Variants in MAT2B observed in about 807,000 individuals in gnomAD.
MAT2B encodes the protein methionine adenosyltransferase 2 non-catalytic beta subunit.
Under a neutral mutation model 36.1 loss-of-function variants are expected in MAT2B, and 16 were observed. The observed-to-expected ratio is 0.44, with a 90% CI of 0.30 to 0.67. The LOEUF (loss-of-function observed/expected upper bound fraction) is 0.67, where lower values mean the gene tolerates loss of function less well. Ranked by LOEUF, MAT2B falls within the 30% of genes least tolerant of loss-of-function variation. MAT2B has a pLI of 0.09. For missense variants in MAT2B, 332 were observed against 398.2 expected (o/e 0.83, Z 1.42); for synonymous variants, 148 against 136.9 (o/e 1.08, Z -0.57).
chr5:163,514,125 T>TA, intron 4 of MAT2B, 131 bp downstream of exon 4: 1 of 677,994 alleles, frequency 1.5e-6, no homozygotes, highest in Non-Finnish European at 2.2e-6. Context: ...AGAATATAGT[T>TA]AATAAAGAAA....
chr5:163,503,967 T>C (rs568512712), upstream of MAT2B, among the ~76,000 whole-genome samples: 24 of 152,328 alleles, frequency 1.6e-4, no homozygotes, highest in African/African-American at 4.6e-4. Context: ...ACGGGGAAAG[T>C]ATCAAGTCAG....
intron 2 of MAT2B, chr5:163,512,787 TCTC>T (rs1760067115): frequency 4.8e-6 from 2 of 415,056 alleles, no homozygotes; most frequent in Non-Finnish European, 9.5e-6. Context: ...TTCAAGCAAT[TCTC>T]CTGCCTAAGC....
rs1416477005 is a variant in MAT2B, at chr5:163,518,629, T to G, written c.*266T>G. Reference sequence around the variant, plus strand: ...ATAGTAAATTATGATCCTTAAATATTTGAGAGTCAGGATGAAGCAGATCTG... The same window carrying G: ...ATAGTAAATTATGATCCTTAAATATGTGAGAGTCAGGATGAAGCAGATCTG... On this transcript the variant is annotated 3_prime_UTR_variant, in exon 7 of 7. Transcript: ENST00000321757. 2 of 252,498 alleles carry G rather than the reference T, an allele frequency of 7.9e-6. No homozygotes were observed. Among genetic ancestry groups the G allele is most frequent in the Non-Finnish European group, 1.5e-5 (2 of 133,750 alleles). The allele number at this position is 252,498 out of a possible 1,614,324, so 15.6% of individuals were successfully genotyped here. A position where few individuals can be genotyped will look rare whatever the true frequency, so the allele number is the denominator to read the frequency against.
At chr5:163,507,261 T>A (rs1321012592) in intron 1 of MAT2B, among the ~76,000 whole-genome samples, 1 of 152,254 alleles carries the variant, frequency 6.6e-6, no homozygotes, top group Admixed American at 6.5e-5. Context: ...GCAGGTGTGC[T>A]AAAGTAGAAA....
intron 1 of MAT2B, among the ~76,000 whole-genome samples, chr5:163,508,709 C>T (rs2113551623): frequency 6.6e-6 from 1 of 151,896 alleles, no homozygotes; most frequent in Non-Finnish European, 1.5e-5. Context: ...CCTCCGCCTC[C>T]TGGGTTCGAG....
intron 1 of MAT2B, among the ~76,000 whole-genome samples, chr5:163,511,288 A>G (rs1343582588): frequency 6.6e-6 from 1 of 151,814 alleles, no homozygotes; most frequent in Non-Finnish European, 1.5e-5. Context: ...TTTTTTTGAA[A>G]CAGGGTCTCA....
intron 3 of MAT2B, 68 bp from the exon 4 acceptor site, chr5:163,513,774 C>T: frequency 6.5e-7 from 1 of 1,531,056 alleles, no homozygotes; most frequent in South Asian, 1.2e-5. Flanking sequence ...TCATGAAAAA[C>T]CATTCTAAAT....
upstream of MAT2B, chr5:163,503,478 A>G: frequency 3.9e-6 from 6 of 1,540,268 alleles, no homozygotes; most frequent in African/African-American, 1.4e-5. Flanking sequence ...GATGCTTTAA[A>G]AGCATTCCAG....
At position 163,505,639 on chromosome 5, in the gene MAT2B, G is replaced by T; in HGVS notation, c.-48G>T. On this transcript the variant is annotated 5_prime_UTR_variant, in exon 1 of 7. Coordinates refer to ENST00000321757, the MANE Select transcript of MAT2B (RefSeq NM_013283.5). ...GAGCTGAGGCCCGCGTCGATCCTGG[G>T]TTGGAGGAGGTGGCGGCCGCTGAGG... is the stretch of plus-strand genomic sequence containing the variant. The T allele has an allele frequency of 8.0e-7, 1 of 1,257,054 alleles. No homozygotes were observed. The highest frequency in any genetic ancestry group is 1.0e-6 in the Non-Finnish European group (1 of 992,872). 77.9% of individuals were successfully genotyped at this position (1,257,054 alleles called of 1,614,324 possible).
chr5:163,513,962 A>T lies in MAT2B; in HGVS notation c.494A>T (p.Asp165Val), dbSNP rs1388892004. The T allele has an allele frequency of 1.9e-6, 3 of 1,613,508 alleles. No individual in the cohort carries two copies. The highest frequency in any genetic ancestry group is 3.3e-5 in the Admixed American group (2 of 59,986). The change falls in exon 4 of 7, where the codon GAT becomes GTT. Residue 165 changes from aspartate to valine, a missense_variant. Asp to Val is a radical substitution (Grantham distance 152, BLOSUM62 -3). Coordinates refer to ENST00000321757, the MANE Select transcript of MAT2B (RefSeq NM_013283.5). Reference protein sequence around the residue: ...PLNLYGKTKLDGEKAVLENNL... With the variant: ...PLNLYGKTKLVGEKAVLENNL... ...AATTTGTATGGCAAAACAAAATTAG[A>T]TGGAGAAAAGGCTGTCCTGGAGAAC...
intron 1 of MAT2B, among the ~76,000 whole-genome samples, chr5:163,509,052 T>G (rs1759994205): frequency 6.6e-6 from 1 of 152,164 alleles, no homozygotes. Context: ...TTCTCTATAC[T>G]TAATACTGCA....
rs66978639 is a variant in MAT2B at position 163,515,770 on chromosome 5, C to CTT, written c.527-723_527-722dup. ...TTAACAAATGTGGTTTTGCCTTTTTCTTTTTTTTTTTTTTTTTTTTTTTTT... is the reference window on the plus strand; with the variant it reads ...TTAACAAATGTGGTTTTGCCTTTTTCTTTTTTTTTTTTTTTTTTTTTTTTTTT... On this transcript the variant is annotated intron_variant, in intron 4 of 6. Coordinates refer to ENST00000321757, the MANE Select transcript of MAT2B (RefSeq NM_013283.5). Among the ~76,000 whole-genome samples the CTT allele has an allele frequency of 4.4e-3, 310 of 69,678 alleles. 22 individuals are homozygous for CTT. Among genetic ancestry groups the CTT allele is most frequent in the East Asian group, 0.016 (39 of 2,472 alleles). The allele number at this position is 69,678 out of a possible 152,430, so 45.7% of individuals were successfully genotyped here.
intron 1 of MAT2B, among the ~76,000 whole-genome samples, chr5:163,508,030 A>G (rs532481531): frequency 6.6e-6 from 1 of 152,334 alleles, no homozygotes; most frequent in East Asian, 1.9e-4. Flanking sequence ...CTAAACACCA[A>G]TTTGTGGCAG....
At chr5:163,517,192 T>C (rs1760146700) in intron 5 of MAT2B, 1 of 195,908 alleles carries the variant, frequency 5.1e-6, no homozygotes, top group Non-Finnish European at 1.0e-5. Context: ...TAAGAAAGTT[T>C]AGCTCAACTT....
intron 5 of MAT2B, chr5:163,517,328 C>CT (rs1035255851): frequency 7.0e-5 from 19 of 273,104 alleles, no homozygotes; most frequent in African/African-American, 3.3e-4. Flanking sequence ...AAATTGGAGC[C>CT]TTTTTTTGAT....
chr5:163,514,009 A>G lies in MAT2B; in HGVS notation c.526+15A>G, dbSNP rs1554099905. 2.5e-6 allele frequency: 4 copies of G among 1,590,028 alleles called. No individual in the cohort carries two copies. Among genetic ancestry groups the G allele is most frequent in the Middle Eastern group, 1.7e-4 (1 of 5,956 alleles). On this transcript the variant is annotated intron_variant, in intron 4 of 6. Transcript: ENST00000321757. ...GAACAATCTAGGTAAGACCTAATCT[A>G]TTTAGCCCCTGATTGTTTTTGAAGA... is the stretch of plus-strand genomic sequence containing the variant.
rs775707428 is a variant in MAT2B, at chr5:163,513,612, C to G, written c.316C>G (p.Pro106Ala). The change falls in exon 3 of 7, where the codon CCA (proline) becomes GCA (alanine). Residue 106 changes from proline (P) to alanine (A), a missense_variant. Pro to Ala is a conservative substitution (Grantham distance 27, BLOSUM62 -1). Coordinates refer to ENST00000321757, the MANE Select transcript of MAT2B (RefSeq NM_013283.5). ...AAGACCAGATGTTGTAGAAAATCAG[C>G]CAGATGCTGCCTCTCAACTTAATGT... ...ERRPDVVENQ[P>A]DAASQLNVDA... The G allele has an allele frequency of 6.2e-7, 1 of 1,613,900 alleles. No homozygotes were observed. Among genetic ancestry groups the G allele is most frequent in the East Asian group, 2.2e-5 (1 of 44,848 alleles).
chr5:163,516,757 C>CT, intron 5 of MAT2B, 46 bp downstream of exon 5: 1 of 1,597,764 alleles, frequency 6.3e-7, no homozygotes, highest in Non-Finnish European at 8.6e-7. Flanking sequence ...TCCGCTTTGT[C>CT]TTTTCCATGC....
At position 163,518,916 on chromosome 5, in the gene MAT2B, C is replaced by T. The variant is rs1440039632; in HGVS notation, c.*553C>T. On this transcript the variant is annotated 3_prime_UTR_variant, in exon 7 of 7. Transcript: ENST00000321757. ...TGGAACTTCTACAGCTTGATGCCTC[C>T]TGCTTTTATAGCAGTTTATGGGGAG... The T allele has an allele frequency of 6.6e-6, 1 of 152,598 alleles. No homozygotes were observed. The highest frequency in any genetic ancestry group is 1.5e-5 in the Non-Finnish European group (1 of 68,032). 9.5% of individuals were successfully genotyped at this position (152,598 alleles called of 1,614,324 possible).
Sources: allele counts gnomAD v4.1 joint callset (sites outside exome capture counted in the v4.1 genomes callset), GRCh38; gene constraint gnomAD v4.1.1; transcripts MANE v1.5; gene names NCBI Gene and HGNC (gene_info 2026-07-23, HGNC 2026-07-21).